Variants in TIAM1 observed in about 807,000 individuals in gnomAD.
TIAM1 encodes TIAM Rac1 associated GEF 1.
TIAM1 carries 65 observed loss-of-function variants against 163.5 expected under a neutral mutation model. That is an observed-to-expected ratio of 0.40 (90% CI 0.33 to 0.49). TIAM1 has a LOEUF of 0.49. TIAM1 is among the 20% of genes least tolerant of loss of function. The pLI, the probability that TIAM1 is intolerant of heterozygous loss-of-function variation, is 0.77. For missense variants in TIAM1, 1,789 were observed against 2,044.7 expected, an observed-to-expected ratio of 0.87 and a Z score of 2.41; for synonymous variants, 833 against 810.1, an observed-to-expected ratio of 1.03 and a Z score of -0.48.
chr21:31,351,189 T>C (rs960909030), intron 2 of TIAM1, among the ~76,000 whole-genome samples: 9 of 152,208 alleles, frequency 5.9e-5, no homozygotes, highest in East Asian at 5.8e-4. Context: ...TTTAGGGTCA[T>C]AGACCTCTAT....
At chr21:31,200,955 C>G (rs1331881050) in intron 12 of TIAM1, among the ~76,000 whole-genome samples, 1 of 152,128 alleles carries the variant, frequency 6.6e-6, no homozygotes, top group East Asian at 1.9e-4. Context: ...TTTTAAAATA[C>G]ATATATAGCT....
chr21:31,238,013 C>G (rs991904114), intron 6 of TIAM1, among the ~76,000 whole-genome samples: 2 of 152,156 alleles, frequency 1.3e-5, no homozygotes, highest in Non-Finnish European at 2.9e-5. Context: ...CTGCTCATTC[C>G]CACTCTCCCC....
chr21:31,334,035 G>A (rs845946), intron 2 of TIAM1, among the ~76,000 whole-genome samples: 25,488 of 152,076 alleles, frequency 0.17, 2,246 homozygotes, highest in African/African-American at 0.19. Context: ...CAGTTACTAC[G>A]TAGAGGTGAA....
intron 2 of TIAM1, among the ~76,000 whole-genome samples, chr21:31,313,490 A>T (rs1437849695): frequency 6.6e-6 from 1 of 152,222 alleles, no homozygotes. Context: ...GGTTCACAAT[A>T]TAGAGAAAAG....
At chr21:31,486,585 C>T (rs1160403083) in intron 1 of TIAM1, among the ~76,000 whole-genome samples, 1 of 152,256 alleles carries the variant, frequency 6.6e-6, no homozygotes, top group Non-Finnish European at 1.5e-5. Context: ...TTACATTCAT[C>T]TGCTCCTCAG....
intron 1 of TIAM1, among the ~76,000 whole-genome samples, chr21:31,511,863 AAATTT>A (rs960614504): frequency 6.6e-6 from 1 of 152,220 alleles, no homozygotes; most frequent in Non-Finnish European, 1.5e-5. Context: ...TATAACAACA[AAATTT>A]AATTTGAGAA....
chr21:31,520,591 G>A (rs1021147734), intron 1 of TIAM1, among the ~76,000 whole-genome samples: 2 of 152,164 alleles, frequency 1.3e-5, no homozygotes, highest in Admixed American at 1.3e-4. Flanking sequence ...CAGCTTCAGG[G>A]ATTAATGGGA....
Position 31,120,961 on chromosome 21 carries a change from C to A in TIAM1, c.4307-124G>T. 1.2e-6 allele frequency: 1 copy of A among 863,218 alleles called. No individual in the cohort carries two copies. Among genetic ancestry groups the A allele is most frequent in the Non-Finnish European group, 1.7e-6 (1 of 575,894 alleles). The allele number at this position is 863,218 out of a possible 1,614,324, so 53.5% of individuals were successfully genotyped here. On this transcript the variant is annotated intron_variant, in intron 27 of 27. Transcript: ENST00000541036. The surrounding 1 kb of genome is among the most constrained non-coding windows in gnomAD (Gnocchi z 4.2). ...CGGTATGCATTGAATGCCTTGATGT[C>A]TTTTGGGGCTTAAAGTCTACATATC...
At chr21:31,298,739 T>TGTGTGTGTGTGC (rs1209928806) in intron 2 of TIAM1, among the ~76,000 whole-genome samples, 3 of 135,868 alleles carry the variant, frequency 2.2e-5, no homozygotes, top group African/African-American at 9.2e-5. Flanking sequence ...ATTGAGGGTG[T>TGTGTGTGTGTGC]GTGTGTGTGT....
chr21:31,347,494 C>T (rs1048621208), upstream of TIAM1, among the ~76,000 whole-genome samples: 1 of 152,200 alleles, frequency 6.6e-6, no homozygotes, highest in African/African-American at 2.4e-5. Flanking sequence ...TTCTGAAAGC[C>T]ACTCGTTTTG....
intron 1 of TIAM1, among the ~76,000 whole-genome samples, chr21:31,500,372 G>C (rs572337553): frequency 3.8e-4 from 58 of 152,112 alleles, no homozygotes; most frequent in Non-Finnish European, 7.8e-4. Flanking sequence ...AGGTGAAGCT[G>C]CAAGGGTCTA....
intron 2 of TIAM1, among the ~76,000 whole-genome samples, chr21:31,410,338 G>A (rs1361961180): frequency 6.6e-6 from 1 of 151,780 alleles, no homozygotes; most frequent in Non-Finnish European, 1.5e-5. Context: ...GTAGGAGACT[G>A]CGAGTGTGTG....
At chr21:31,228,986 T>C (rs1033699611) in intron 6 of TIAM1, among the ~76,000 whole-genome samples, 3 of 152,086 alleles carry the variant, frequency 2.0e-5, no homozygotes, top group Non-Finnish European at 4.4e-5. Context: ...AGTATGGAGG[T>C]AACCGCCCCC....
At chr21:31,195,132 G>T (rs2085780586) in intron 13 of TIAM1, 92 bp downstream of exon 13, 8 of 976,442 alleles carry the variant, frequency 8.2e-6, no homozygotes, top group Non-Finnish European at 7.9e-6. Flanking sequence ...TTTTAGATAG[G>T]ACTCAAAGGC....
At chr21:31,267,806 T>A (rs922336575) in intron 3 of TIAM1, among the ~76,000 whole-genome samples, 1 of 152,164 alleles carries the variant, frequency 6.6e-6, no homozygotes, top group Non-Finnish European at 1.5e-5. Context: ...TGGGAGCAAA[T>A]CCAACCTGTG....
At chr21:31,130,998 T>TC in intron 23 of TIAM1, 50 bp from the exon 24 acceptor site, 1 of 1,527,682 alleles carries the variant, frequency 6.5e-7, no homozygotes. Context: ...TGTAGGGTTT[T>TC]CCCCTTGACA....
chr21:31,499,721 GC>G (rs1741513759), intron 1 of TIAM1, among the ~76,000 whole-genome samples: 1 of 151,996 alleles, frequency 6.6e-6, no homozygotes, highest in African/African-American at 2.4e-5. Flanking sequence ...GTGGTGGTGT[GC>G]CCCTGTAATC....
intron 2 of TIAM1, among the ~76,000 whole-genome samples, chr21:31,439,386 T>C (rs1018008481): frequency 2.0e-5 from 3 of 152,148 alleles, no homozygotes; most frequent in African/African-American, 7.2e-5. Flanking sequence ...GTTTCCTGGG[T>C]TCAAGCGACT....
At chr21:31,405,815 G>A (rs996221848) in intron 2 of TIAM1, among the ~76,000 whole-genome samples, 6 of 152,226 alleles carry the variant, frequency 3.9e-5, no homozygotes, top group Middle Eastern at 3.4e-3. Flanking sequence ...TTGGGTAGGC[G>A]ACACAGAGCC....
Sources: gnomAD v4.1 joint callset for allele counts (sites outside exome capture counted in the v4.1 genomes callset) on GRCh38, gnomAD v4.1.1 for gene constraint, Gnocchi (gnomAD v3.1) non-coding constraint, MANE v1.5 for transcripts, NCBI Gene and HGNC (gene_info 2026-07-23, HGNC 2026-07-21) for gene names.